Variants in FKBP15 observed in about 807,000 individuals in gnomAD.
The protein encoded by FKBP15 is FKBP prolyl isomerase family member 15, also known as FK506-binding protein 15.
In FKBP15, 106 loss-of-function variants were observed where a neutral mutation model predicts 158.1. That is an observed-to-expected ratio of 0.67 (90% confidence interval 0.57 to 0.79). The LOEUF is 0.79. Ranked by LOEUF, FKBP15 falls within the 30% of genes least tolerant of loss-of-function variation. The pLI, the probability that FKBP15 is intolerant of heterozygous loss-of-function variation, is 0.00. For synonymous variants in FKBP15, 547 were observed against 548.6 expected, an observed-to-expected ratio of 1.00 and a Z score of 0.04; for missense variants, 1,287 against 1,479.1, an observed-to-expected ratio of 0.87 and a Z score of 2.13.
At chr9:113,206,871 C>A (rs1830898880) in intron 3 of FKBP15, 2 of 430,444 alleles carry the variant, frequency 4.6e-6, no homozygotes, top group East Asian at 8.2e-5. Context: ...AGTGCGCCAC[C>A]GCACCCGGCC....
chr9:113,219,962 G>T (rs573162002), intron 1 of FKBP15, among the ~76,000 whole-genome samples: 1 of 152,274 alleles, frequency 6.6e-6, no homozygotes, highest in Non-Finnish European at 1.5e-5. Context: ...AAGACTAAAA[G>T]GTAGGTAATA....
intron 27 of FKBP15, among the ~76,000 whole-genome samples, chr9:113,168,090 G>A (rs1830126329): frequency 6.6e-6 from 1 of 152,116 alleles, no homozygotes. Context: ...AAGGATGCCA[G>A]GCAAGATGAT....
At chr9:113,176,967 C>T (rs117541765) in intron 20 of FKBP15, among the ~76,000 whole-genome samples, 126 of 152,286 alleles carry the variant, frequency 8.3e-4, no homozygotes, top group Non-Finnish European at 1.2e-3. Context: ...ACCACACAAG[C>T]AGCCTCTGCT....
chr9:113,187,880 A>G lies in FKBP15; in HGVS notation c.1296T>C (p.Thr432=), dbSNP rs1208558045. 1 of 1,613,870 alleles carries G rather than the reference A, an allele frequency of 6.2e-7. No homozygotes were observed. The highest frequency in any genetic ancestry group is 8.5e-7 in the Non-Finnish European group (1 of 1,179,792). The part of the protein sequence containing the change: ...MTSQAPQPSV[T]GLQAPSAALM... ...AGGCAGCAGAAGGTGCCTGGAGCCCAGTAACAGATGGCTGAGGTGCTAAGA... is the reference window on the plus strand; with the variant it reads ...AGGCAGCAGAAGGTGCCTGGAGCCCGGTAACAGATGGCTGAGGTGCTAAGA... The change falls in exon 14 of 28, where the codon ACT becomes ACC. Residue 432 remains threonine (T), a synonymous_variant. Transcript: ENST00000238256.
intron 8 of FKBP15, among the ~76,000 whole-genome samples, chr9:113,197,772 C>T (rs1171336837): frequency 6.6e-6 from 1 of 152,136 alleles, no homozygotes; most frequent in Non-Finnish European, 1.5e-5. Flanking sequence ...CAGAATTATC[C>T]CCATTTTACT....
chr9:113,184,204 G>A lies in FKBP15; in HGVS notation c.1716+88C>T. 1 of 841,154 alleles carries A rather than the reference G, an allele frequency of 1.2e-6. No individual in the cohort carries two copies. The highest frequency in any genetic ancestry group is 1.9e-6 in the Non-Finnish European group (1 of 518,108). The allele number at this position is 841,154 out of a possible 1,614,324, so 52.1% of individuals were successfully genotyped here. On this transcript the variant is annotated intron_variant, in intron 17 of 27. Coordinates refer to ENST00000238256, the MANE Select transcript of FKBP15 (RefSeq NM_015258.2). This position sits in a 1 kb window ranked among gnomAD's most constrained non-coding sequence, Gnocchi z 4.5. The stretch of plus-strand genomic sequence containing the variant: ...GTAGCGTTTATCACAGGCTATTTCT[G>A]GGGTGGAGGTGTTAAAGAGTAGTAC...
chr9:113,209,600 T>G (rs1279990714), intron 2 of FKBP15, among the ~76,000 whole-genome samples: 1 of 152,250 alleles, frequency 6.6e-6, no homozygotes, highest in Non-Finnish European at 1.5e-5. Context: ...TCTTTGTCCT[T>G]GGTTCCTGAC....
Position 113,171,710 on chromosome 9 carries a change from C to T in FKBP15, c.2533-4G>A. On this transcript the variant is annotated splice_polypyrimidine_tract_variant and splice_region_variant and intron_variant, in intron 23 of 27. Coordinates refer to ENST00000238256, the MANE Select transcript of FKBP15 (RefSeq NM_015258.2). ...TTTGGGCCTGGAGGGCTAAACACTGCAAAACAAACAGACTGTGGCTGTGGC... is the reference window on the plus strand; with the variant it reads ...TTTGGGCCTGGAGGGCTAAACACTGTAAAACAAACAGACTGTGGCTGTGGC... The T allele has an allele frequency of 6.4e-7, 1 of 1,570,326 alleles. No individual in the cohort carries two copies. The highest frequency in any genetic ancestry group is 1.2e-5 in the South Asian group (1 of 85,388).
At chr9:113,172,547 T>G (rs988000256) in intron 23 of FKBP15, among the ~76,000 whole-genome samples, 2 of 152,162 alleles carry the variant, frequency 1.3e-5, no homozygotes, top group African/African-American at 4.8e-5. Flanking sequence ...GGTCTGCTGG[T>G]GTCCACTCCC....
chr9:113,178,663 C>A lies in FKBP15; in HGVS notation c.2053G>T (p.Gly685Cys). 1 of 1,610,268 alleles carries A rather than the reference C, an allele frequency of 6.2e-7. No homozygotes were observed. Among genetic ancestry groups the A allele is most frequent in the Non-Finnish European group, 8.5e-7 (1 of 1,178,568 alleles). ...TTTGCCTGCACTTTGGTGAGCTGGC[C>A]CCTGAGAAGATCTGTCTCCTTCAGG... ...ESLKETDLLR[G>C]QLTKVQAKLS... The change falls in exon 20 of 28, where the codon GGC becomes TGC. Residue 685 changes from glycine to cysteine, a missense_variant. By Grantham distance (159) the Gly-to-Cys change is radical. Transcript: ENST00000238256.
chr9:113,203,156 T>A, intron 4 of FKBP15, 121 bp from the exon 5 acceptor site: 1 of 653,508 alleles, frequency 1.5e-6, no homozygotes, highest in Non-Finnish European at 2.6e-6. Context: ...CATACTAAAC[T>A]CAAAATCTAT....
Position 113,184,883 on chromosome 9 carries a change from C to T in FKBP15, c.1499-79G>A. 1 of 1,105,186 alleles carries T rather than the reference C, an allele frequency of 9.0e-7. No individual in the cohort carries two copies. Among genetic ancestry groups the T allele is most frequent in the Non-Finnish European group, 1.3e-6 (1 of 760,984 alleles). The allele number at this position is 1,105,186 out of a possible 1,614,324, so 68.5% of individuals were successfully genotyped here. A position where few individuals can be genotyped will look rare whatever the true frequency, so the allele number is the denominator to read the frequency against. On this transcript the variant is annotated intron_variant, in intron 15 of 27. Coordinates refer to ENST00000238256, the MANE Select transcript of FKBP15 (RefSeq NM_015258.2). This position sits in a 1 kb window ranked among gnomAD's most constrained non-coding sequence, Gnocchi z 4.5. ...TATGAAGAAAAGCTAGTAGCTCTTC[C>T]AGTAAAGAAAGAAATTAATACTTCC...
chr9:113,217,521 T>A (rs1017907404), intron 1 of FKBP15, among the ~76,000 whole-genome samples: 1 of 152,094 alleles, frequency 6.6e-6, no homozygotes, highest in African/African-American at 2.4e-5. Context: ...CATTTTCTAT[T>A]AATATCTTTA....
chr9:113,193,967 C>T (rs372413987), intron 10 of FKBP15, 60 bp downstream of exon 10: 4 of 1,486,692 alleles, frequency 2.7e-6, no homozygotes, highest in Non-Finnish European at 3.6e-6. Flanking sequence ...TATTTCTGAA[C>T]CCCTCTAAGA....
chr9:113,197,792 G>A (rs993278456), intron 8 of FKBP15, among the ~76,000 whole-genome samples: 5 of 152,216 alleles, frequency 3.3e-5, no homozygotes, highest in African/African-American at 1.2e-4. Flanking sequence ...TTCAATAACT[G>A]AAGCTCGTGG....
At chr9:113,178,903 G>T (rs537672339) in intron 19 of FKBP15, 102 bp from the exon 20 acceptor site, 202 of 1,180,246 alleles carry the variant, frequency 1.7e-4, no homozygotes, top group Non-Finnish European at 2.2e-4. Context: ...CTAGTAAACA[G>T]GGAGTTATGG....
intron 15 of FKBP15, 21 bp downstream of exon 15, chr9:113,186,228 A>G: frequency 6.6e-7 from 1 of 1,517,806 alleles, no homozygotes; most frequent in East Asian, 2.4e-5. Context: ...AAGATGAGAA[A>G]CTGAGGGAAT....
chr9:113,167,262 A>G (rs1830113524), intron 27 of FKBP15, among the ~76,000 whole-genome samples: 1 of 152,228 alleles, frequency 6.6e-6, no homozygotes, highest in Admixed American at 6.5e-5. Flanking sequence ...TCATTGGATT[A>G]GTAGATTAAA....
At chr9:113,209,366 T>C (rs1037037448) in intron 2 of FKBP15, among the ~76,000 whole-genome samples, 7 of 152,194 alleles carry the variant, frequency 4.6e-5, no homozygotes, top group Non-Finnish European at 7.3e-5. Flanking sequence ...TTTCTCCCAT[T>C]AACTCAACCA....
Sources: gnomAD v4.1 joint callset for allele counts (sites outside exome capture counted in the v4.1 genomes callset) on GRCh38, gnomAD v4.1.1 for gene constraint, Gnocchi (gnomAD v3.1) non-coding constraint, MANE v1.5 for transcripts, NCBI Gene and HGNC (gene_info 2026-07-23, HGNC 2026-07-21) for gene names.